The following EFCAB9 variants were observed in gnomAD, a reference collection of about 807,000 sequenced individuals.
The protein encoded by EFCAB9 is EF-hand calcium-binding domain-containing protein 9.
EFCAB9 carries 16 observed loss-of-function variants against 15.6 expected under a neutral mutation model. The ratio of observed to expected loss-of-function variants is 1.03; its 90% CI spans 0.69 to 1.56. The LOEUF (loss-of-function observed/expected upper bound fraction) is 1.56. Ranked by LOEUF, EFCAB9 falls within the 40% of genes most tolerant of loss-of-function variation. The pLI, the probability that EFCAB9 is intolerant of heterozygous loss-of-function variation, is 0.00. For synonymous variants in EFCAB9, 76 were observed against 85.4 expected (o/e 0.89, Z 0.61); for missense variants, 208 against 235.4 (o/e 0.88, Z 0.76).
At chr5:172,195,478 C>G (rs1282249411) in intron 1 of EFCAB9, among the ~76,000 whole-genome samples, 1 of 152,214 alleles carries the variant, frequency 6.6e-6, no homozygotes, top group Non-Finnish European at 1.5e-5. Context: ...GCCAAATCTT[C>G]GCAATAACCC....
At chr5:172,195,798 C>CT (rs1444146010) in intron 1 of EFCAB9, among the ~76,000 whole-genome samples, 2 of 149,976 alleles carry the variant, frequency 1.3e-5, no homozygotes, top group Non-Finnish European at 2.9e-5. Flanking sequence ...TCAAAACAGT[C>CT]TTTTATTTAT....
chr5:172,199,561 C>G, intron 2 of EFCAB9, 30 bp downstream of exon 2: 1 of 1,535,706 alleles, frequency 6.5e-7, no homozygotes, highest in Non-Finnish European at 8.7e-7. Context: ...CTGCCATCCT[C>G]TTGCTAATGG....
chr5:172,200,997 C>T (rs1047267214), intron 3 of EFCAB9, among the ~76,000 whole-genome samples: 1 of 152,200 alleles, frequency 6.6e-6, no homozygotes, highest in Non-Finnish European at 1.5e-5. Context: ...CTTTGGGAGG[C>T]TGAGGCAGGA....
intron 1 of EFCAB9, among the ~76,000 whole-genome samples, chr5:172,194,873 C>G (rs1017198063): frequency 6.6e-6 from 1 of 151,972 alleles, no homozygotes; most frequent in Non-Finnish European, 1.5e-5. Context: ...CTCTAAGTCT[C>G]ATTTTCCTCA....
chr5:172,196,533 C>T (rs373813648), intron 1 of EFCAB9, among the ~76,000 whole-genome samples: 13 of 152,136 alleles, frequency 8.5e-5, no homozygotes, highest in African/African-American at 2.6e-4. Context: ...TGCACCACTA[C>T]GTCCGGCTAA....
chr5:172,203,208 C>G lies in EFCAB9; in HGVS notation c.463-6C>G. 1.3e-6 allele frequency: 2 copies of G among 1,505,744 alleles called. No homozygotes were observed. Among genetic ancestry groups the G allele is most frequent in the Non-Finnish European group, 1.8e-6 (2 of 1,133,604 alleles). The allele number at this position is 1,505,744 out of a possible 1,614,324, so 93.3% of individuals were successfully genotyped here. A position where few individuals can be genotyped will look rare whatever the true frequency, so the allele number is the denominator to read the frequency against. On this transcript the variant is annotated splice_polypyrimidine_tract_variant and splice_region_variant and intron_variant, in intron 3 of 3. Coordinates refer to ENST00000398186, the MANE Select transcript of EFCAB9 (RefSeq NM_001171183.2). The stretch of plus-strand genomic sequence containing the variant: ...AATTTTTCTTTCCCCCCCACCCTAA[C>G]CAAAGCGTCTTAATTATCAGGAATT...
At position 172,203,336 on chromosome 5, in the gene EFCAB9, C is replaced by A. The variant is rs2113863442; in HGVS notation, c.585C>A (p.His195Gln). 1 of 1,531,378 alleles carries A rather than the reference C, an allele frequency of 6.5e-7. No individual in the cohort carries two copies. Among genetic ancestry groups the A allele is most frequent in the Non-Finnish European group, 8.7e-7 (1 of 1,145,460 alleles). The allele number at this position is 1,531,378 out of a possible 1,614,324, so 94.9% of individuals were successfully genotyped here. The change falls in exon 4 of 4, where the codon CAC (histidine) becomes CAA (glutamine). Residue 195 changes from histidine to glutamine, a missense_variant. By Grantham distance (24) the His-to-Gln change is conservative (BLOSUM62 0). Transcript: ENST00000398186. ...AGAGAAGTCTCTACTCAAAATGTCA[C>A]ATCAAGTAGATACAAGCTGAAAGAG... ...ERKRSLYSKC[H>Q]IK
At chr5:172,194,948 G>A (rs1389652020) in intron 1 of EFCAB9, among the ~76,000 whole-genome samples, 2 of 151,980 alleles carry the variant, frequency 1.3e-5, no homozygotes, top group East Asian at 1.9e-4. Flanking sequence ...GATAATGAGA[G>A]TATGGCAAAT....
chr5:172,194,386 A>G (rs1581198982), intron 1 of EFCAB9, 78 bp downstream of exon 1: 2 of 1,482,312 alleles, frequency 1.3e-6, no homozygotes, highest in South Asian at 1.3e-5. Flanking sequence ...GCAGAGCCAG[A>G]AACTATTTTG....
chr5:172,202,464 T>C (rs1771271337), intron 3 of EFCAB9, among the ~76,000 whole-genome samples: 1 of 152,056 alleles, frequency 6.6e-6, no homozygotes, highest in Admixed American at 6.5e-5. Flanking sequence ...TCCCAACATT[T>C]TGGGAGGCTG....
intron 1 of EFCAB9, among the ~76,000 whole-genome samples, chr5:172,198,870 T>A (rs562186420): frequency 2.6e-5 from 4 of 152,186 alleles, no homozygotes; most frequent in Non-Finnish European, 4.4e-5. Context: ...CGCCTTGGCC[T>A]CCCAAACTGC....
At chr5:172,200,318 T>C in intron 2 of EFCAB9, among the ~76,000 whole-genome samples, 1 of 152,200 alleles carries the variant, frequency 6.6e-6, no homozygotes, top group East Asian at 1.9e-4. Flanking sequence ...TGCATTATAG[T>C]AACTAGGGTT....
At position 172,200,717 on chromosome 5, in the gene EFCAB9, G is replaced by A. The variant is rs1771243847; in HGVS notation, c.437G>A (p.Arg146His). 3 of 1,537,394 alleles carry A rather than the reference G, an allele frequency of 2.0e-6. No individual in the cohort carries two copies. The highest frequency in any genetic ancestry group is 2.4e-5 in the East Asian group (1 of 40,912). Residue 146 changes from arginine to histidine, a missense_variant, in exon 3 of 4, where the codon CGT (arginine) becomes CAT (histidine). Coordinates refer to ENST00000398186, the MANE Select transcript of EFCAB9 (RefSeq NM_001171183.2). ...AAACAGGAACTCAAAGATCTCTTCC[G>A]TGACTTTGACATTACAGGTGACAAT... is the stretch of plus-strand genomic sequence containing the variant. The part of the protein sequence containing the change: ...IQKQELKDLF[R>H]DFDITGDNRL...
chr5:172,195,981 T>A (rs761391416), intron 1 of EFCAB9, among the ~76,000 whole-genome samples: 1 of 152,042 alleles, frequency 6.6e-6, no homozygotes, highest in Non-Finnish European at 1.5e-5. Flanking sequence ...TTCTGTATTC[T>A]TAGTAAAGAC....
Position 172,199,364 on chromosome 5 carries a change from C to T in EFCAB9, c.137-19C>T, listed in dbSNP as rs774036982. On this transcript the variant is annotated intron_variant, in intron 1 of 3. Coordinates refer to ENST00000398186, the MANE Select transcript of EFCAB9 (RefSeq NM_001171183.2). ...ACTATATCCAAATAACACATCTCCT[C>T]ACCTGCCCACCTTAACAGATGTGCT... 1 of 1,536,768 alleles carries T rather than the reference C, an allele frequency of 6.5e-7. No homozygotes were observed.
chr5:172,196,538 G>A (rs558092845), intron 1 of EFCAB9, among the ~76,000 whole-genome samples: 126 of 152,056 alleles, frequency 8.3e-4, no homozygotes, highest in African/African-American at 2.9e-3. Context: ...CACTACGTCC[G>A]GCTAATTTTG....
chr5:172,203,014 G>A (rs1771282560), intron 3 of EFCAB9, among the ~76,000 whole-genome samples, 200 bp from the exon 4 acceptor site: 1 of 152,002 alleles, frequency 6.6e-6, no homozygotes, highest in Non-Finnish European at 1.5e-5. Context: ...AATAAAAGTG[G>A]CCCTTGTTCC....
At chr5:172,203,086 G>C (rs750662470) in intron 3 of EFCAB9, 128 bp from the exon 4 acceptor site, 154 of 901,678 alleles carry the variant, frequency 1.7e-4, no homozygotes, top group Admixed American at 7.6e-4. Flanking sequence ...CTATAATTAT[G>C]TCCCAATTAC....
chr5:172,200,103 G>C (rs1387602299), intron 2 of EFCAB9, among the ~76,000 whole-genome samples: 1 of 151,896 alleles, frequency 6.6e-6, no homozygotes, highest in Non-Finnish European at 1.5e-5. Flanking sequence ...ATTTTTAGTA[G>C]AGATGGGGTT....
Sources: gnomAD v4.1 joint callset for allele counts (sites outside exome capture counted in the v4.1 genomes callset) on GRCh38, gnomAD v4.1.1 for gene constraint, MANE v1.5 for transcripts, NCBI Gene and HGNC (gene_info 2026-07-23, HGNC 2026-07-21) for gene names.